The following BICD1 variants were observed in gnomAD, a reference collection of about 807,000 sequenced individuals.
BICD1 encodes BICD cargo adaptor 1.
Under a neutral mutation model 92.5 loss-of-function variants are expected in BICD1, and 35 were observed. The observed-to-expected ratio is 0.38, with a 90% confidence interval of 0.29 to 0.50. The LOEUF (loss-of-function observed/expected upper bound fraction) is 0.50, where lower values mean the gene tolerates loss of function less well. Among genes scored for constraint, BICD1 ranks in the 20% least tolerant of loss-of-function variants. The pLI, the probability that BICD1 is intolerant of heterozygous loss-of-function variation, is 0.93. For missense variants in BICD1, 950 were observed against 1,189.8 expected (o/e 0.80, Z 2.97); for synonymous variants, 429 against 465.1 (o/e 0.92, Z 1.00).
intron 1 of BICD1, among the ~76,000 whole-genome samples, chr12:32,215,793 C>CA (rs11316550): frequency 9.3e-4 from 138 of 148,678 alleles, no homozygotes; most frequent in African/African-American, 2.9e-3. Flanking sequence ...ACTAAAAATA[C>CA]AAAAAAAAAA....
Position 32,378,035 on chromosome 12 carries a change from A to G in BICD1, c.*408A>G, listed in dbSNP as rs1354809752. 6.4e-6 allele frequency: 1 copy of G among 155,714 alleles called. No individual in the cohort carries two copies. Among genetic ancestry groups the G allele is most frequent in the African/African-American group, 2.4e-5 (1 of 41,570 alleles). The allele number at this position is 155,714 out of a possible 1,614,324, so 9.6% of individuals were successfully genotyped here. A position where few individuals can be genotyped will look rare whatever the true frequency, so the allele number is the denominator to read the frequency against. On this transcript the variant is annotated 3_prime_UTR_variant, in exon 10 of 10. Coordinates refer to ENST00000652176, the MANE Select transcript of BICD1 (RefSeq NM_001714.4). Reference sequence around the variant, plus strand: ...GGAAGTTGATTCCAATATGTTTGTCATTGATATTTATTTTGTACTTTATTT... The same window carrying G: ...GGAAGTTGATTCCAATATGTTTGTCGTTGATATTTATTTTGTACTTTATTT...
chr12:32,300,707 C>T (rs1351262395), intron 3 of BICD1, among the ~76,000 whole-genome samples: 1 of 127,728 alleles, frequency 7.8e-6, no homozygotes, highest in African/African-American at 2.9e-5. Flanking sequence ...GCAGTGGAAG[C>T]AATCCTGGCT....
intron 1 of BICD1, chr12:32,108,687 C>T: frequency 2.9e-6 from 2 of 696,344 alleles, no homozygotes; most frequent in East Asian, 2.7e-5. Context: ...ACTTGCCTTC[C>T]AATTTAGTGT....
At chr12:32,248,520 A>T (rs1055978077) in intron 2 of BICD1, among the ~76,000 whole-genome samples, 3 of 152,220 alleles carry the variant, frequency 2.0e-5, no homozygotes, top group African/African-American at 7.2e-5. Flanking sequence ...GGTGGGAGGG[A>T]TAATTGCAAA....
Position 32,172,534 on chromosome 12 carries a change from G to T in BICD1, c.214-43713G>T, listed in dbSNP as rs567089143. 5.3e-5 allele frequency among the ~76,000 whole-genome samples: 8 copies of T among 152,218 alleles called. No individual in the cohort carries two copies. In the South Asian group the frequency reaches 6.2e-4, roughly 12 times the overall value. On this transcript the variant is annotated intron_variant, in intron 1 of 9. Coordinates refer to ENST00000652176, the MANE Select transcript of BICD1 (RefSeq NM_001714.4). Reference sequence around the variant, plus strand: ...GGTTGAATTCACCTTGTTCTCTCTTGCCCCCTATTCTCTTATCAGTCATTC... The same window carrying T: ...GGTTGAATTCACCTTGTTCTCTCTTTCCCCCTATTCTCTTATCAGTCATTC...
chr12:32,223,939 C>G (rs1057038527), intron 2 of BICD1, among the ~76,000 whole-genome samples: 1 of 151,988 alleles, frequency 6.6e-6, no homozygotes, highest in African/African-American at 2.4e-5. Flanking sequence ...AGTTTGCTGT[C>G]TTATATGGAT....
At chr12:32,145,776 G>T (rs1273289205) in intron 1 of BICD1, among the ~76,000 whole-genome samples, 1 of 152,178 alleles carries the variant, frequency 6.6e-6, no homozygotes, top group Admixed American at 6.5e-5. Flanking sequence ...AATGCCAGAA[G>T]ACAGCAGATT....
intron 8 of BICD1, among the ~76,000 whole-genome samples, chr12:32,356,485 C>G (rs1041397243): frequency 4.7e-5 from 7 of 148,882 alleles, no homozygotes; most frequent in African/African-American, 1.6e-4. Context: ...AACCCTGTCT[C>G]TACAAAAGTT....
chr12:32,127,466 A>G (rs1262075362), intron 1 of BICD1, among the ~76,000 whole-genome samples: 1 of 152,186 alleles, frequency 6.6e-6, no homozygotes, highest in Non-Finnish European at 1.5e-5. Context: ...GTGTTTTGTG[A>G]TAAATCAAGT....
At chr12:32,314,925 C>T (rs1281581487) in intron 4 of BICD1, among the ~76,000 whole-genome samples, 3 of 152,100 alleles carry the variant, frequency 2.0e-5, no homozygotes, top group South Asian at 2.1e-4. Context: ...GGACTACAGG[C>T]GCATGCCACT....
intron 3 of BICD1, among the ~76,000 whole-genome samples, chr12:32,301,362 T>C (rs776967543): frequency 7.2e-5 from 11 of 152,118 alleles, no homozygotes; most frequent in Non-Finnish European, 1.3e-4. Context: ...CTGGATGCTT[T>C]AGTGTGGGAA....
intron 8 of BICD1, chr12:32,353,218 A>T (rs1021416009): frequency 2.0e-5 from 3 of 152,188 alleles, no homozygotes; most frequent in Non-Finnish European, 2.9e-5. Flanking sequence ...GAAGATTGTC[A>T]TTGGAAATTC....
intron 1 of BICD1, among the ~76,000 whole-genome samples, chr12:32,191,928 C>G (rs1944580346): frequency 6.6e-6 from 1 of 151,804 alleles, no homozygotes; most frequent in Non-Finnish European, 1.5e-5. Flanking sequence ...TGAGATTAAA[C>G]CAATTAATAA....
chr12:32,312,170 T>C (rs1948398363), intron 4 of BICD1, among the ~76,000 whole-genome samples: 1 of 151,418 alleles, frequency 6.6e-6, no homozygotes, highest in Non-Finnish European at 1.5e-5. Flanking sequence ...ACCATTTGTC[T>C]CTGCCATGCC....
At chr12:32,312,524 G>A (rs1280441504) in intron 4 of BICD1, among the ~76,000 whole-genome samples, 3 of 152,044 alleles carry the variant, frequency 2.0e-5, no homozygotes, top group African/African-American at 4.8e-5. Flanking sequence ...GTGTATAAAC[G>A]GTCAATACAT....
chr12:32,372,662 T>C (rs1167061632), intron 9 of BICD1, among the ~76,000 whole-genome samples: 1 of 152,102 alleles, frequency 6.6e-6, no homozygotes, highest in Non-Finnish European at 1.5e-5. Context: ...GAAGATTGCT[T>C]GAGCCCAGGA....
At chr12:32,253,601 TAGTA>T (rs937642329) in intron 2 of BICD1, among the ~76,000 whole-genome samples, 16 of 152,178 alleles carry the variant, frequency 1.1e-4, no homozygotes, top group Admixed American at 8.5e-4. Context: ...TCATCACAAA[TAGTA>T]AGTAAATAAT....
intron 1 of BICD1, among the ~76,000 whole-genome samples, chr12:32,188,124 G>A (rs1336491664): frequency 6.6e-6 from 1 of 152,054 alleles, no homozygotes; most frequent in Non-Finnish European, 1.5e-5. Flanking sequence ...TTTTTGTAGA[G>A]ACGGGGTTTC....
chr12:32,282,221 T>C (rs1167193217), intron 2 of BICD1, among the ~76,000 whole-genome samples: 31 of 130,290 alleles, frequency 2.4e-4, no homozygotes, highest in South Asian at 2.7e-4. Context: ...TTTTTTTTTT[T>C]TTTTTTTTTT....
Sources: allele counts gnomAD v4.1 joint callset (sites outside exome capture counted in the v4.1 genomes callset), GRCh38; gene constraint gnomAD v4.1.1; transcripts MANE v1.5; gene names NCBI Gene and HGNC (gene_info 2026-07-23, HGNC 2026-07-21).